PPP3CC: variants seen among roughly 807,000 people sequenced by gnomAD.
PPP3CC encodes protein phosphatase 3 catalytic subunit gamma, also known as serine/threonine-protein phosphatase 2B catalytic subunit gamma isoform.
A neutral mutation model predicts 60.3 loss-of-function variants in PPP3CC; 35 were observed. The ratio of observed to expected loss-of-function variants is 0.58; its 90% CI spans 0.44 to 0.77. The LOEUF (loss-of-function observed/expected upper bound fraction) is 0.77, where lower values mean the gene tolerates loss of function less well. Ranked by LOEUF, PPP3CC falls within the 30% of genes least tolerant of loss-of-function variation. PPP3CC has a pLI of 0.00. For synonymous variants in PPP3CC, 206 were observed against 224.3 expected (o/e 0.92, Z 0.73); for missense variants, 570 against 628.9 (o/e 0.91, Z 1.00).
intron 1 of PPP3CC, among the ~76,000 whole-genome samples, chr8:22,462,120 T>C (rs112176381): frequency 0.045 from 6,792 of 152,186 alleles, 476 homozygotes; most frequent in African/African-American, 0.15. Flanking sequence ...GGCACACACC[T>C]GTAGTCTTAG....
intron 6 of PPP3CC, among the ~76,000 whole-genome samples, chr8:22,515,420 G>C (rs1383901287): frequency 6.6e-6 from 1 of 152,188 alleles, no homozygotes; most frequent in Non-Finnish European, 1.5e-5. Context: ...TGTGAACAGT[G>C]CTGCAATAAA....
At position 22,528,501 on chromosome 8, in the gene PPP3CC, C is replaced by A. The variant is rs757326271; in HGVS notation, c.1070-5C>A. 6.6e-7 allele frequency: 1 copy of A among 1,522,770 alleles called. No homozygotes were observed. The highest frequency in any genetic ancestry group is 8.9e-7 in the Non-Finnish European group (1 of 1,127,782). 94.3% of individuals were successfully genotyped at this position (1,522,770 alleles called of 1,614,324 possible). ...GTAAATTTTGGATTATTTTGTCTTACTTAGTCACAGAGATGCTGGTAAATG... is the reference window on the plus strand; with the variant it reads ...GTAAATTTTGGATTATTTTGTCTTAATTAGTCACAGAGATGCTGGTAAATG... On this transcript the variant is annotated splice_polypyrimidine_tract_variant and splice_region_variant and intron_variant, in intron 9 of 13. Transcript: ENST00000240139.
At chr8:22,452,283 TC>T (rs1837057157) in intron 1 of PPP3CC, among the ~76,000 whole-genome samples, 1 of 152,084 alleles carries the variant, frequency 6.6e-6, no homozygotes, top group Non-Finnish European at 1.5e-5. Flanking sequence ...CAAGTGTTCC[TC>T]CCACCTCCCA....
intron 1 of PPP3CC, among the ~76,000 whole-genome samples, chr8:22,466,002 G>A (rs1037062747): frequency 2.6e-5 from 4 of 151,228 alleles, no homozygotes; most frequent in East Asian, 3.9e-4. Flanking sequence ...CCCATCCTCC[G>A]ACCAGCCCCA....
intron 11 of PPP3CC, 80 bp downstream of exon 11, chr8:22,532,386 A>G: frequency 4.0e-6 from 5 of 1,240,736 alleles, no homozygotes; most frequent in East Asian, 2.3e-5. Flanking sequence ...CAGTTTTTTT[A>G]TAATTGGAAT....
chr8:22,540,553 T>C, intron 13 of PPP3CC, 62 bp from the exon 14 acceptor site: 2 of 1,517,590 alleles, frequency 1.3e-6, no homozygotes, highest in Admixed American at 2.0e-5. Flanking sequence ...AGAAACTTTT[T>C]TTAAGCCTGT....
At chr8:22,477,927 C>T (rs935143192) in intron 3 of PPP3CC, among the ~76,000 whole-genome samples, 6 of 151,740 alleles carry the variant, frequency 4.0e-5, no homozygotes, top group Admixed American at 1.3e-4. Flanking sequence ...CTCGGCCCAC[C>T]GCAACGTCCG....
intron 4 of PPP3CC, among the ~76,000 whole-genome samples, chr8:22,509,129 C>T (rs17060884): frequency 0.012 from 1,786 of 152,246 alleles, 37 homozygotes; most frequent in African/African-American, 0.041. Flanking sequence ...CAACCTCAAG[C>T]GTGGTCTACT....
chr8:22,475,759 G>A (rs1448655337), intron 3 of PPP3CC, 135 bp downstream of exon 3: 3 of 908,022 alleles, frequency 3.3e-6, no homozygotes, highest in African/African-American at 1.7e-5. Context: ...AATTAAAGTA[G>A]TAGAAATGTT....
At chr8:22,461,178 C>A (rs774694025) in intron 1 of PPP3CC, among the ~76,000 whole-genome samples, 31 of 152,188 alleles carry the variant, frequency 2.0e-4, no homozygotes, top group Non-Finnish European at 3.4e-4. Flanking sequence ...ACTTTGTGAG[C>A]CATATTTAGC....
chr8:22,522,523 A>G lies in PPP3CC; in HGVS notation c.803A>G (p.Asn268Ser), dbSNP rs768862245. Residue 268 changes from asparagine (N) to serine (S), a missense_variant, in exon 7 of 14, where the codon AAT becomes AGT. Physicochemically the swap from Asn to Ser is conservative, Grantham distance 46. Transcript: ENST00000240139. Reference protein sequence around the residue: ...YPAVCEFLQNNNLLSIIRAHE... With the variant: ...YPAVCEFLQNSNLLSIIRAHE... ...GCAGTTTGTGAATTTTTGCAGAACA[A>G]TAATTTACTATCAATTATCAGAGCC... The G allele has an allele frequency of 8.1e-6, 13 of 1,612,268 alleles. No homozygotes were observed. The highest frequency in any genetic ancestry group is 3.3e-5 in the Admixed American group (2 of 59,750).
chr8:22,508,275 G>A (rs2443496), intron 4 of PPP3CC, among the ~76,000 whole-genome samples: 75,478 of 151,516 alleles, frequency 0.5, 19,058 homozygotes, highest in East Asian at 0.6. Context: ...TTTAAAAGGT[G>A]GTATAATAAT....
intron 3 of PPP3CC, among the ~76,000 whole-genome samples, chr8:22,482,831 C>T (rs576036399): frequency 2.6e-5 from 4 of 152,142 alleles, no homozygotes; most frequent in South Asian, 4.1e-4. Context: ...CAAGAAAAGC[C>T]AAGATACAGT....
intron 1 of PPP3CC, among the ~76,000 whole-genome samples, chr8:22,444,351 AAAGGTCAAGTT>A (rs1216281955): frequency 6.6e-6 from 1 of 152,248 alleles, no homozygotes; most frequent in Non-Finnish European, 1.5e-5. Flanking sequence ...AAGCATGTGA[AAAGGTCAAGTT>A]AAGGTAGTAC....
chr8:22,525,917 G>T (rs1372714748), intron 8 of PPP3CC, among the ~76,000 whole-genome samples: 1 of 150,656 alleles, frequency 6.6e-6, no homozygotes, highest in Non-Finnish European at 1.5e-5. Flanking sequence ...GCCCAGGCTG[G>T]AGTGCAGTGG....
At chr8:22,460,360 TGTGA>T (rs1837330275) in intron 1 of PPP3CC, among the ~76,000 whole-genome samples, 1 of 152,142 alleles carries the variant, frequency 6.6e-6, no homozygotes, top group South Asian at 2.1e-4. Context: ...ATTTTTTGTG[TGTGA>T]GTGTGTGTTT....
At chr8:22,508,493 TG>T (rs1200675849) in intron 4 of PPP3CC, among the ~76,000 whole-genome samples, 2 of 152,356 alleles carry the variant, frequency 1.3e-5, no homozygotes, top group Middle Eastern at 3.4e-3. Flanking sequence ...AACTTCTTTT[TG>T]CTTAATTTTT....
chr8:22,502,216 C>T (rs918731036), intron 4 of PPP3CC, among the ~76,000 whole-genome samples: 79 of 152,252 alleles, frequency 5.2e-4, no homozygotes, highest in African/African-American at 1.8e-3. Flanking sequence ...TAGAATTCGT[C>T]TACCACACAG....
chr8:22,497,217 C>T (rs536004850), intron 3 of PPP3CC, among the ~76,000 whole-genome samples: 199 of 152,200 alleles, frequency 1.3e-3, no homozygotes, highest in South Asian at 3.5e-3. Flanking sequence ...TTAGTAGACG[C>T]GGGGTTTCTC....
Sources: gnomAD v4.1 joint callset for allele counts (sites outside exome capture counted in the v4.1 genomes callset) on GRCh38, gnomAD v4.1.1 for gene constraint, MANE v1.5 for transcripts, NCBI Gene and HGNC (gene_info 2026-07-23, HGNC 2026-07-21) for gene names.